The following SLC35D1 variants were observed in gnomAD, a reference collection of about 807,000 sequenced individuals.
The protein encoded by SLC35D1 is nucleotide sugar transporter SLC35D1.
In SLC35D1, 31 loss-of-function variants were observed where a neutral mutation model predicts 46.7. The observed-to-expected ratio is 0.66, with a 90% confidence interval of 0.50 to 0.90. SLC35D1 has a LOEUF of 0.90. Ranked by LOEUF, SLC35D1 falls within the 40% of genes least tolerant of loss-of-function variation. The pLI is 0.00. For synonymous variants in SLC35D1, 195 were observed against 164.6 expected (o/e 1.18, Z -1.41); for missense variants, 397 against 426.2 (o/e 0.93, Z 0.60).
At chr1:67,011,415 C>A (rs1288139907) in intron 10 of SLC35D1, among the ~76,000 whole-genome samples, 8 of 152,162 alleles carry the variant, frequency 5.3e-5, no homozygotes, top group Admixed American at 3.9e-4. Flanking sequence ...AGGCTCCAGA[C>A]CTCTTTCTCC....
the SLC35D1 span, among the ~76,000 whole-genome samples, chr1:66,989,352 C>G: frequency 6.6e-6 from 1 of 152,180 alleles, no homozygotes; most frequent in African/African-American, 2.4e-5. Context: ...CTGTGTTGTT[C>G]TGCACACTGA....
At chr1:67,045,895 A>C (rs546764910) in intron 7 of SLC35D1, among the ~76,000 whole-genome samples, 1 of 152,352 alleles carries the variant, frequency 6.6e-6, no homozygotes, top group South Asian at 2.1e-4. Context: ...GCTGCTGGAC[A>C]AATAAAATGT....
In SLC35D1 at chr1:67,001,277, G is replaced by C. The variant is rs1162375583; in HGVS notation, c.*3063C>G. ...TGACCAAAACCCTCCATGGATTCTTGATAAAACAGGACTACCAAAAGCGTG... is the reference window on the plus strand; with the variant it reads ...TGACCAAAACCCTCCATGGATTCTTCATAAAACAGGACTACCAAAAGCGTG... On this transcript the variant is annotated 3_prime_UTR_variant, in exon 12 of 12. Transcript: ENST00000235345. 6.6e-6 allele frequency: 1 copy of C among 151,788 alleles called. No homozygotes were observed. Among genetic ancestry groups the C allele is most frequent in the Non-Finnish European group, 1.5e-5 (1 of 67,968 alleles). The allele number at this position is 151,788 out of a possible 1,614,324, so 9.4% of individuals were successfully genotyped here.
At chr1:67,009,344 G>A (rs1438835451) in intron 10 of SLC35D1, among the ~76,000 whole-genome samples, 177 bp from the exon 11 acceptor site, 1 of 152,152 alleles carries the variant, frequency 6.6e-6, no homozygotes, top group Non-Finnish European at 1.5e-5. Flanking sequence ...AGGAATCAGT[G>A]ACATTAGCCT....
At chr1:66,995,071 A>G (rs1049508474), downstream of SLC35D1, among the ~76,000 whole-genome samples, 1 of 152,110 alleles carries the variant, frequency 6.6e-6, no homozygotes, top group African/African-American at 2.4e-5. Context: ...TCTCACTAGC[A>G]CAACAGCCTG....
intron 8 of SLC35D1, among the ~76,000 whole-genome samples, chr1:67,024,565 G>T (rs1667878579): frequency 6.6e-6 from 1 of 152,134 alleles, no homozygotes; most frequent in African/African-American, 2.4e-5. Context: ...AGTGTCTACA[G>T]GATTGGCTCC....
Position 67,042,226 on chromosome 1 carries a change from A to G in SLC35D1, c.729+10T>C. ...ACGTAAGCCATTAAACCGTAATTAGAAAGTCCTACCTTTTGTGCATCTCCT... is the reference window on the plus strand; with the variant it reads ...ACGTAAGCCATTAAACCGTAATTAGGAAGTCCTACCTTTTGTGCATCTCCT... On this transcript the variant is annotated intron_variant, in intron 8 of 11. Transcript: ENST00000235345. 6.2e-7 allele frequency: 1 copy of G among 1,611,204 alleles called. No homozygotes were observed. Among genetic ancestry groups the G allele is most frequent in the Non-Finnish European group, 8.5e-7 (1 of 1,177,300 alleles).
rs1006675186 is a variant in SLC35D1, at chr1:67,001,010, C to G, written c.*3330G>C. 1.3e-5 allele frequency: 2 copies of G among 152,346 alleles called. No individual in the cohort carries two copies. Among genetic ancestry groups the G allele is most frequent in the South Asian group, 4.1e-4 (2 of 4,820 alleles). The allele number at this position is 152,346 out of a possible 1,614,324, so 9.4% of individuals were successfully genotyped here. A position where few individuals can be genotyped will look rare whatever the true frequency, so the allele number is the denominator to read the frequency against. On this transcript the variant is annotated 3_prime_UTR_variant, in exon 12 of 12. Coordinates refer to ENST00000235345, the MANE Select transcript of SLC35D1 (RefSeq NM_015139.3). ...TTTCATCTGTCTCCTTTCTCCCACT[C>G]AGGGTCCAGGTTTCCATATCTGGCT... is the stretch of plus-strand genomic sequence containing the variant.
chr1:67,050,959 C>G (rs1645302661), intron 4 of SLC35D1, among the ~76,000 whole-genome samples: 1 of 152,172 alleles, frequency 6.6e-6, no homozygotes, highest in African/African-American at 2.4e-5. Flanking sequence ...ACTAATCAAA[C>G]ATACAGCCTC....
Position 67,053,126 on chromosome 1 carries a change from A to T in SLC35D1, c.204-137T>A, listed in dbSNP as rs75870077. ...ACGTCCGCCCCTAAATCAAACAAAAATCTTGGGAGAAAACTCTCTGCCTGT... is the reference window on the plus strand; with the variant it reads ...ACGTCCGCCCCTAAATCAAACAAAATTCTTGGGAGAAAACTCTCTGCCTGT... On this transcript the variant is annotated intron_variant, in intron 1 of 11. Transcript: ENST00000235345. The T allele has an allele frequency of 5.9e-4, 615 of 1,045,566 alleles. 15 individuals are homozygous for T. In the East Asian group the frequency reaches 0.016, roughly 27 times the overall value. The allele number at this position is 1,045,566 out of a possible 1,614,324, so 64.8% of individuals were successfully genotyped here.
At chr1:67,014,987 T>C (rs1162001063) in intron 10 of SLC35D1, among the ~76,000 whole-genome samples, 3 of 151,210 alleles carry the variant, frequency 2.0e-5, no homozygotes, top group East Asian at 3.9e-4. Context: ...CAATTACTTA[T>C]TTCCTAGGTT....
chr1:66,980,396 T>C, the SLC35D1 span, among the ~76,000 whole-genome samples: 1 of 152,216 alleles, frequency 6.6e-6, no homozygotes, highest in Non-Finnish European at 1.5e-5. Flanking sequence ...TATACATTTC[T>C]GAGATATGTA....
At chr1:66,998,771 T>C (rs768181448), downstream of SLC35D1, among the ~76,000 whole-genome samples, 46 of 152,200 alleles carry the variant, frequency 3.0e-4, no homozygotes, top group Non-Finnish European at 5.4e-4. Context: ...TCCACTTATA[T>C]AAAATACCTA....
chr1:67,044,353 G>A (rs562174915), intron 7 of SLC35D1, among the ~76,000 whole-genome samples: 5 of 148,252 alleles, frequency 3.4e-5, no homozygotes, highest in African/African-American at 7.4e-5. Context: ...AAAAAACCCC[G>A]AAGGAAAACT....
In SLC35D1 at chr1:67,047,082, T is replaced by C. The variant is rs137985041; in HGVS notation, c.636+183A>G. 2.0e-4 allele frequency among the ~76,000 whole-genome samples: 31 copies of C among 152,292 alleles called. 2 individuals carry two copies. In the East Asian group the frequency reaches 5.2e-3, roughly 26 times the overall value. Reference sequence around the variant, plus strand: ...CAGAAAAGCCTGGAATAAAACCTAATTGCTAATTAATTAAAAAATAAAGTT... The same window carrying C: ...CAGAAAAGCCTGGAATAAAACCTAACTGCTAATTAATTAAAAAATAAAGTT... On this transcript the variant is annotated intron_variant, in intron 7 of 11. Coordinates refer to ENST00000235345, the MANE Select transcript of SLC35D1 (RefSeq NM_015139.3).
intron 8 of SLC35D1, among the ~76,000 whole-genome samples, chr1:67,041,840 T>A (rs1391293777): frequency 6.6e-6 from 1 of 152,220 alleles, no homozygotes; most frequent in Non-Finnish European, 1.5e-5. Context: ...AACTGAGAAC[T>A]TCTAGCAATG....
At chr1:67,013,158 A>AGATATATATATATATATATATATATATG (rs150270485) in intron 10 of SLC35D1, among the ~76,000 whole-genome samples, 4 of 103,642 alleles carry the variant, frequency 3.9e-5, no homozygotes, top group African/African-American at 5.6e-5. Flanking sequence ...TATCCTGGAG[A>AGATATATATATATATATATATATATATG]TATATATATA....
At chr1:67,047,158 G>T in intron 7 of SLC35D1, 107 bp downstream of exon 7, 1 of 821,354 alleles carries the variant, frequency 1.2e-6, no homozygotes, top group Non-Finnish European at 2.0e-6. Flanking sequence ...GAGCCACTAT[G>T]TCTTTCTCAT....
chr1:67,022,201 C>T (rs1035759219), intron 8 of SLC35D1, among the ~76,000 whole-genome samples: 1 of 151,984 alleles, frequency 6.6e-6, no homozygotes, highest in Non-Finnish European at 1.5e-5. Flanking sequence ...GTACACTGAT[C>T]ATCTCATCTC....
Sources: allele counts gnomAD v4.1 joint callset (sites outside exome capture counted in the v4.1 genomes callset), GRCh38; gene constraint gnomAD v4.1.1; transcripts MANE v1.5; gene names NCBI Gene and HGNC (gene_info 2026-07-23, HGNC 2026-07-21).